TAFA5: variants seen among roughly 807,000 people sequenced by gnomAD.
TAFA5 encodes the protein TAFA chemokine like family member 5, also known as chemokine-like protein TAFA-5.
Under a neutral mutation model 15.3 loss-of-function variants are expected in TAFA5, and 6 were observed. The observed-to-expected ratio is 0.39, with a 90% CI of 0.21 to 0.77. TAFA5 has a LOEUF of 0.77. TAFA5 is among the 30% of genes least tolerant of loss of function. TAFA5 has a pLI of 0.41. For synonymous variants in TAFA5, 103 were observed against 80.7 expected (o/e 1.28, Z -1.48); for missense variants, 161 against 193.1 (o/e 0.83, Z 0.98).
chr22:48,545,923 G>T (rs1183123822), intron 1 of TAFA5, among the ~76,000 whole-genome samples: 1 of 152,140 alleles, frequency 6.6e-6, no homozygotes, highest in Non-Finnish European at 1.5e-5. Context: ...ACTTGGCTGG[G>T]TTCTGCCACC....
intron 2 of TAFA5, among the ~76,000 whole-genome samples, chr22:48,675,880 G>T (rs559123299): frequency 6.6e-6 from 1 of 152,396 alleles, no homozygotes; most frequent in African/African-American, 2.4e-5. Flanking sequence ...GCTCATCCCA[G>T]ACCCACTGCC....
intron 1 of TAFA5, among the ~76,000 whole-genome samples, chr22:48,611,182 G>A (rs947919907): frequency 3.9e-5 from 6 of 152,164 alleles, no homozygotes; most frequent in East Asian, 1.9e-4. Context: ...CGATCCGCCC[G>A]CCTTGGCCTC....
At chr22:48,630,371 G>C (rs1926174539) in intron 1 of TAFA5, among the ~76,000 whole-genome samples, 1 of 152,226 alleles carries the variant, frequency 6.6e-6, no homozygotes, top group Non-Finnish European at 1.5e-5. Flanking sequence ...CAGGCGCCCA[G>C]AGCTGGTGAC....
At chr22:48,507,195 CCGCCAAGGGCCAGGTG>C (rs1921025464) in intron 1 of TAFA5, among the ~76,000 whole-genome samples, 2 of 119,718 alleles carry the variant, frequency 1.7e-5, no homozygotes, top group Admixed American at 7.7e-5. Flanking sequence ...AAGGAGACGG[CCGCCAAGGGCCAGGTG>C]TGCAGTTGGA....
chr22:48,695,983 A>G (rs1011924520), intron 2 of TAFA5, among the ~76,000 whole-genome samples: 2 of 152,196 alleles, frequency 1.3e-5, no homozygotes, highest in Non-Finnish European at 2.9e-5. Context: ...GAGAGCATAT[A>G]GGCTGTTTGG....
At chr22:48,663,308 C>G (rs2147215926) in intron 2 of TAFA5, among the ~76,000 whole-genome samples, 1 of 151,720 alleles carries the variant, frequency 6.6e-6, no homozygotes, top group East Asian at 1.9e-4. Context: ...CTAGAGTGGG[C>G]TGAGGGGCCA....
rs546816056 is a variant in TAFA5 at position 48,555,409 on chromosome 22, C to T, written c.112+65705C>T. On this transcript the variant is annotated intron_variant, in intron 1 of 3. Coordinates refer to ENST00000402357, the MANE Select transcript of TAFA5 (RefSeq NM_001082967.3). Reference sequence around the variant, plus strand: ...CAGACCGTGTCCTGCGAGGGATTTCCGGGGAGGGCGGCTGCTCCCTGATGG... The same window carrying T: ...CAGACCGTGTCCTGCGAGGGATTTCTGGGGAGGGCGGCTGCTCCCTGATGG... Among the ~76,000 whole-genome samples, 37 of 152,308 alleles carry T rather than the reference C, an allele frequency of 2.4e-4. 1 individual carries two copies. In the East Asian group the frequency reaches 3.7e-3, roughly 15 times the overall value.
chr22:48,501,105 G>GT (rs1920949060), intron 1 of TAFA5, among the ~76,000 whole-genome samples: 1 of 152,146 alleles, frequency 6.6e-6, no homozygotes, highest in South Asian at 2.1e-4. Flanking sequence ...CAGACATTCT[G>GT]AGCCACTGCC....
At chr22:48,704,829 C>T (rs527327216) in intron 2 of TAFA5, among the ~76,000 whole-genome samples, 18 of 152,132 alleles carry the variant, frequency 1.2e-4, no homozygotes, top group South Asian at 6.2e-4. Flanking sequence ...AAACAACACA[C>T]GTTTATTTTC....
chr22:48,580,609 C>T (rs115946709), intron 1 of TAFA5, among the ~76,000 whole-genome samples: 1,844 of 152,254 alleles, frequency 0.012, 32 homozygotes, highest in African/African-American at 0.041. Flanking sequence ...GAGGCTGCAC[C>T]GGGCTCCATT....
chr22:48,708,479 G>A (rs1929152112), intron 3 of TAFA5, among the ~76,000 whole-genome samples: 1 of 152,310 alleles, frequency 6.6e-6, no homozygotes, highest in South Asian at 2.1e-4. Flanking sequence ...GGTGGACATG[G>A]GCCTTTTCTG....
chr22:48,584,661 C>G (rs189296295), intron 1 of TAFA5, among the ~76,000 whole-genome samples: 1 of 148,704 alleles, frequency 6.7e-6, no homozygotes, highest in African/African-American at 2.5e-5. Flanking sequence ...ACCACACACA[C>G]AGCACAAATC....
Position 48,489,712 on chromosome 22 carries a change from C to G in TAFA5, c.112+8C>G. 1 of 1,439,588 alleles carries G rather than the reference C, an allele frequency of 6.9e-7. No individual in the cohort carries two copies. Among genetic ancestry groups the G allele is most frequent in the Non-Finnish European group, 9.2e-7 (1 of 1,085,260 alleles). 89.2% of individuals were successfully genotyped at this position (1,439,588 alleles called of 1,614,324 possible). ...TGCTCATCGCCTACTGCAGTGAGTA[C>G]CGCGCGGCCCCGGCCCCGGCACGGC... On this transcript the variant is annotated splice_region_variant and intron_variant, in intron 1 of 3. Coordinates refer to ENST00000402357, the MANE Select transcript of TAFA5 (RefSeq NM_001082967.3). This position sits in a 1 kb window ranked among gnomAD's most constrained non-coding sequence, Gnocchi z 5.5.
intron 1 of TAFA5, among the ~76,000 whole-genome samples, chr22:48,611,491 G>GGATCTGTGGCGGGAGCT (rs1182013905): frequency 9.9e-5 from 15 of 152,182 alleles, no homozygotes; most frequent in African/African-American, 3.4e-4. Flanking sequence ...TTGATCTTTG[G>GGATCTGTGGCGGGAGCT]GATCTGTGGC....
chr22:48,693,462 G>A, intron 2 of TAFA5: 1 of 1,591,538 alleles, frequency 6.3e-7, no homozygotes, highest in South Asian at 1.1e-5. Flanking sequence ...AGATGGCTGT[G>A]ACTCAACCAT....
intron 1 of TAFA5, among the ~76,000 whole-genome samples, chr22:48,557,025 C>G (rs112184809): frequency 0.041 from 6,296 of 152,230 alleles, 472 homozygotes; most frequent in African/African-American, 0.14. Context: ...CTGGCGTGGT[C>G]ACCAGGGGCA....
intron 1 of TAFA5, among the ~76,000 whole-genome samples, chr22:48,623,039 C>T (rs988091745): frequency 3.3e-5 from 5 of 152,264 alleles, no homozygotes; most frequent in Non-Finnish European, 2.9e-5. Context: ...CTCCATCTCT[C>T]TGTAATTACC....
At chr22:48,717,105 A>G (rs1295603038) in intron 3 of TAFA5, among the ~76,000 whole-genome samples, 1 of 152,266 alleles carries the variant, frequency 6.6e-6, no homozygotes, top group East Asian at 1.9e-4. Flanking sequence ...CGCATCCTAA[A>G]GCATGCCAGC....
chr22:48,598,373 A>G lies in TAFA5; in HGVS notation c.113-48224A>G, dbSNP rs1285015769. Among the ~76,000 whole-genome samples the G allele has an allele frequency of 6.6e-6, 1 of 152,182 alleles. No individual in the cohort carries two copies. Among genetic ancestry groups the G allele is most frequent in the African/African-American group, 2.4e-5 (1 of 41,438 alleles). On this transcript the variant is annotated intron_variant, in intron 1 of 3. Coordinates refer to ENST00000402357, the MANE Select transcript of TAFA5 (RefSeq NM_001082967.3). This position sits in a 1 kb window ranked among gnomAD's most constrained non-coding sequence, Gnocchi z 4.0. ...TCCGTCAAGTTGACACATGTTACCC[A>G]TCACTTGGAGGTTATTTCCAGGGGG...
Sources: gnomAD v4.1 joint callset for allele counts (sites outside exome capture counted in the v4.1 genomes callset) on GRCh38, gnomAD v4.1.1 for gene constraint, Gnocchi (gnomAD v3.1) non-coding constraint, MANE v1.5 for transcripts, NCBI Gene and HGNC (gene_info 2026-07-23, HGNC 2026-07-21) for gene names.